The following PLEKHA7 variants were observed in gnomAD, a reference collection of about 807,000 sequenced individuals.
PLEKHA7 encodes the protein pleckstrin homology domain containing A7.
In PLEKHA7, 104 loss-of-function variants were observed where a neutral mutation model predicts 170.0. The observed-to-expected ratio is 0.61, with a 90% confidence interval of 0.52 to 0.72. The LOEUF is 0.72. PLEKHA7 is among the 30% of genes least tolerant of loss of function. The pLI is 0.00. For missense variants in PLEKHA7, 1,615 were observed against 1,671.7 expected (o/e 0.97, Z 0.59); for synonymous variants, 648 against 660.8 (o/e 0.98, Z 0.30).
intron 3 of PLEKHA7, among the ~76,000 whole-genome samples, chr11:16,902,849 G>A (rs188245766): frequency 5.9e-5 from 9 of 152,300 alleles, no homozygotes; most frequent in Admixed American, 5.2e-4. Flanking sequence ...GCAGACAGCT[G>A]GGCACACAAT....
At chr11:16,863,272 G>C (rs2135556061) in intron 4 of PLEKHA7, among the ~76,000 whole-genome samples, 1 of 152,266 alleles carries the variant, frequency 6.6e-6, no homozygotes, top group East Asian at 1.9e-4. Flanking sequence ...TTCTTTAAGT[G>C]CTATCCTCCA....
intron 3 of PLEKHA7, among the ~76,000 whole-genome samples, chr11:16,919,947 G>A (rs1039540929): frequency 2.6e-5 from 4 of 152,170 alleles, no homozygotes; most frequent in Non-Finnish European, 4.4e-5. Flanking sequence ...GATACCAGCC[G>A]TTTTTCATAA....
chr11:16,869,329 TTGA>T (rs1000766443), intron 4 of PLEKHA7, among the ~76,000 whole-genome samples: 1 of 152,230 alleles, frequency 6.6e-6, no homozygotes, highest in African/African-American at 2.4e-5. Context: ...GGAGTTGGAC[TTGA>T]TGAAGGGAAC....
intron 4 of PLEKHA7, among the ~76,000 whole-genome samples, chr11:16,866,048 A>T (rs1854365595): frequency 6.6e-6 from 1 of 151,576 alleles, no homozygotes. Flanking sequence ...TGTGTTAGGC[A>T]GGGTGGTCTC....
intron 3 of PLEKHA7, among the ~76,000 whole-genome samples, chr11:16,900,582 T>C (rs1180902939): frequency 1.3e-5 from 2 of 152,200 alleles, no homozygotes; most frequent in Non-Finnish European, 2.9e-5. Flanking sequence ...CCAGATCTTT[T>C]CCCTTTAAAT....
intron 19 of PLEKHA7, among the ~76,000 whole-genome samples, chr11:16,792,360 T>C (rs1847922040): frequency 1.3e-5 from 2 of 152,210 alleles, no homozygotes; most frequent in South Asian, 4.1e-4. Context: ...TAAAAAGACA[T>C]TAAACTCAAG....
intron 3 of PLEKHA7, among the ~76,000 whole-genome samples, chr11:17,000,191 C>G (rs1310590267): frequency 6.6e-6 from 1 of 152,196 alleles, no homozygotes; most frequent in African/African-American, 2.4e-5. Context: ...TCATGCAATT[C>G]TCGTGCCTCA....
At chr11:16,977,052 T>A (rs1863114153) in intron 3 of PLEKHA7, among the ~76,000 whole-genome samples, 1 of 152,166 alleles carries the variant, frequency 6.6e-6, no homozygotes, top group African/African-American at 2.4e-5. Flanking sequence ...AGCCAGAGCA[T>A]CCCCATCCCT....
At chr11:16,803,134 C>A in intron 14 of PLEKHA7, 82 bp from the exon 15 acceptor site, 1 of 1,565,064 alleles carries the variant, frequency 6.4e-7, no homozygotes, top group Non-Finnish European at 8.8e-7. Flanking sequence ...CAGCCTTTGG[C>A]TACAGAACCA....
intron 4 of PLEKHA7, among the ~76,000 whole-genome samples, chr11:16,858,890 C>T (rs910170263): frequency 6.6e-6 from 1 of 152,130 alleles, no homozygotes; most frequent in Admixed American, 6.5e-5. Flanking sequence ...ATTCTAACTC[C>T]ACGTCTCCTC....
At chr11:16,822,750 T>A (rs1289204657) in intron 10 of PLEKHA7, among the ~76,000 whole-genome samples, 1 of 152,176 alleles carries the variant, frequency 6.6e-6, no homozygotes, top group African/African-American at 2.4e-5. Context: ...AGTTGAGGAT[T>A]CTTAGTCCTG....
chr11:16,992,794 A>G (rs1864124959), intron 3 of PLEKHA7, among the ~76,000 whole-genome samples: 1 of 151,806 alleles, frequency 6.6e-6, no homozygotes, highest in African/African-American at 2.4e-5. Context: ...GGCCAACAGA[A>G]TCAGAATACA....
At chr11:16,836,817 G>GTT (rs377241006) in intron 9 of PLEKHA7, among the ~76,000 whole-genome samples, 1 of 145,904 alleles carries the variant, frequency 6.9e-6, no homozygotes, top group African/African-American at 2.5e-5. Context: ...TGTTTTTTCT[G>GTT]TTTTTTTTGT....
At chr11:16,851,780 C>T (rs1173493718) in intron 7 of PLEKHA7, among the ~76,000 whole-genome samples, 2 of 152,210 alleles carry the variant, frequency 1.3e-5, no homozygotes, top group African/African-American at 4.8e-5. Context: ...CCTATCTCTT[C>T]TCTCCTTCTA....
chr11:16,862,665 T>C (rs1201189174), intron 4 of PLEKHA7, among the ~76,000 whole-genome samples: 1 of 152,144 alleles, frequency 6.6e-6, no homozygotes, highest in African/African-American at 2.4e-5. Flanking sequence ...TGTGTGGCAA[T>C]GACTGCATCC....
chr11:16,947,934 A>G (rs60152983), intron 3 of PLEKHA7, among the ~76,000 whole-genome samples: 2 of 150,914 alleles, frequency 1.3e-5, no homozygotes, highest in Non-Finnish European at 3.0e-5. Flanking sequence ...AAAAAAAAAG[A>G]AAAAAAAGAA....
chr11:16,952,749 T>A (rs1861484535), intron 3 of PLEKHA7, among the ~76,000 whole-genome samples: 1 of 152,208 alleles, frequency 6.6e-6, no homozygotes, highest in African/African-American at 2.4e-5. Context: ...AATGTTTCAA[T>A]GGACATTTCC....
chr11:16,834,681 C>T (rs1294538884), intron 9 of PLEKHA7, among the ~76,000 whole-genome samples: 5 of 152,096 alleles, frequency 3.3e-5, no homozygotes, highest in Non-Finnish European at 7.3e-5. Context: ...GGTGCTTTAG[C>T]TTATTAGAGA....
intron 3 of PLEKHA7, among the ~76,000 whole-genome samples, chr11:16,931,870 C>A (rs564843401): frequency 1.3e-5 from 2 of 151,498 alleles, no homozygotes; most frequent in African/African-American, 2.4e-5. Flanking sequence ...AACTAGGGCA[C>A]GATGAAAGGT....
Sources: gnomAD v4.1 joint callset for allele counts (sites outside exome capture counted in the v4.1 genomes callset) on GRCh38, gnomAD v4.1.1 for gene constraint, MANE v1.5 for transcripts, NCBI Gene and HGNC (gene_info 2026-07-23, HGNC 2026-07-21) for gene names.